TMCC1: variants seen among roughly 807,000 people sequenced by gnomAD.
TMCC1 encodes the protein transmembrane and coiled-coil domains protein 1.
TMCC1 carries 15 observed loss-of-function variants against 52.4 expected under a neutral mutation model. The ratio of observed to expected loss-of-function variants is 0.29; its 90% CI spans 0.19 to 0.44. TMCC1 has a LOEUF of 0.44. Ranked by LOEUF, TMCC1 falls within the 20% of genes least tolerant of loss-of-function variation. The pLI is 1.00. For synonymous variants in TMCC1, 279 were observed against 301.9 expected, an observed-to-expected ratio of 0.92 and a Z score of 0.79; for missense variants, 503 against 806.0, an observed-to-expected ratio of 0.62 and a Z score of 4.55.
chr3:129,743,857 A>G (rs2051678121), intron 4 of TMCC1, among the ~76,000 whole-genome samples: 1 of 152,138 alleles, frequency 6.6e-6, no homozygotes, highest in Non-Finnish European at 1.5e-5. Flanking sequence ...TCAAGTTTTT[A>G]AAAATAACTT....
At chr3:129,797,829 C>T (rs541326776) in intron 4 of TMCC1, among the ~76,000 whole-genome samples, 1 of 152,254 alleles carries the variant, frequency 6.6e-6, no homozygotes, top group Non-Finnish European at 1.5e-5. Flanking sequence ...TTTTTGTAAA[C>T]TTCCAAAGCT....
intron 4 of TMCC1, among the ~76,000 whole-genome samples, chr3:129,740,412 A>G (rs989309489): frequency 6.6e-5 from 10 of 152,226 alleles, no homozygotes; most frequent in African/African-American, 2.4e-4. Flanking sequence ...TGTACTCGTC[A>G]TTAAAAAGGC....
intron 4 of TMCC1, among the ~76,000 whole-genome samples, chr3:129,759,710 C>CTTTTTTTT (rs61519484): frequency 2.1e-4 from 8 of 37,218 alleles, no homozygotes; most frequent in African/African-American, 8.9e-4. Context: ...GCCAGCCAAA[C>CTTTTTTTT]TTTTTTTTTT....
intron 4 of TMCC1, among the ~76,000 whole-genome samples, chr3:129,810,214 T>C (rs1421291515): frequency 1.3e-5 from 2 of 151,958 alleles, no homozygotes; most frequent in Non-Finnish European, 2.9e-5. Context: ...AAAAATTAGC[T>C]GGGCATGGTG....
intron 4 of TMCC1, among the ~76,000 whole-genome samples, chr3:129,806,229 T>C (rs1011918595): frequency 6.6e-5 from 10 of 152,162 alleles, no homozygotes; most frequent in East Asian, 1.9e-4. Flanking sequence ...TCTACTAAAA[T>C]TGAATAATAA....
intron 1 of TMCC1, among the ~76,000 whole-genome samples, chr3:129,887,665 T>A (rs2061778496): frequency 6.6e-6 from 1 of 152,038 alleles, no homozygotes; most frequent in Non-Finnish European, 1.5e-5. Flanking sequence ...AAACACTTTT[T>A]AAAATATAAT....
Position 129,873,995 on chromosome 3 carries a change from A to G in TMCC1, c.-184+6314T>C, listed in dbSNP as rs138491875. Among the ~76,000 whole-genome samples, 22 of 152,288 alleles carry G rather than the reference A, an allele frequency of 1.4e-4. No individual in the cohort carries two copies. The East Asian group carries it at 4.2e-3, about 29-fold the overall frequency. ...TGTTTGAACAGTAGACCTCTATTTGAGTTTTTTAAAGGTAATATAAATATA... is the reference window on the plus strand; with the variant it reads ...TGTTTGAACAGTAGACCTCTATTTGGGTTTTTTAAAGGTAATATAAATATA... On this transcript the variant is annotated intron_variant, in intron 2 of 6. Coordinates refer to ENST00000393238, the MANE Select transcript of TMCC1 (RefSeq NM_001017395.5).
At chr3:129,815,567 C>T (rs145146130) in intron 4 of TMCC1, among the ~76,000 whole-genome samples, 1 of 152,202 alleles carries the variant, frequency 6.6e-6, no homozygotes, top group East Asian at 1.9e-4. Flanking sequence ...GAACTACACC[C>T]CTATCTCTGA....
rs1369765958 is a variant in TMCC1 at position 129,840,599 on chromosome 3, A to G, written c.-183-7773T>C. ...AATTGTAATCCACACATGTCAAGGGAGGGACTTGGTGGGAGGCGACTGGAT... is the reference window on the plus strand; with the variant it reads ...AATTGTAATCCACACATGTCAAGGGGGGGACTTGGTGGGAGGCGACTGGAT... On this transcript the variant is annotated intron_variant, in intron 2 of 6. Transcript: ENST00000393238. 3.3e-5 allele frequency among the ~76,000 whole-genome samples: 5 copies of G among 152,100 alleles called. No homozygotes were observed. In the South Asian group the frequency reaches 8.3e-4, roughly 25 times the overall value.
chr3:129,728,503 T>C (rs191434016), intron 4 of TMCC1, among the ~76,000 whole-genome samples: 158 of 152,244 alleles, frequency 1.0e-3, no homozygotes, highest in African/African-American at 3.4e-3. Context: ...CCAGGCTGGT[T>C]TTGAACTCCT....
At position 129,670,964 on chromosome 3, in the gene TMCC1, G is replaced by T. The variant is rs772689978; in HGVS notation, c.877C>A (p.Leu293Ile). ...TGCTCAAGTTTCTTTTGCAGCTGGAGGATAGTTTGGGCAGATTTCTGGTTC... is the reference window on the plus strand; with the variant it reads ...TGCTCAAGTTTCTTTTGCAGCTGGATGATAGTTTGGGCAGATTTCTGGTTC... Reference protein sequence around the residue: ...KKNQKSAQTILQLQKKLEHYH... With the variant: ...KKNQKSAQTIIQLQKKLEHYH... Residue 293 changes from leucine (L) to isoleucine (I), a missense_variant, in exon 5 of 7, where the codon CTC becomes ATC. Physicochemically the swap from Leu to Ile is conservative, Grantham distance 5. This residue lies in a region of TMCC1 where 73 missense variants were observed against 182.9 expected (regional missense o/e 0.40). Transcript: ENST00000393238. 6.2e-7 allele frequency: 1 copy of T among 1,614,218 alleles called. No homozygotes were observed. The highest frequency in any genetic ancestry group is 8.5e-7 in the Non-Finnish European group (1 of 1,180,036).
chr3:129,689,627 GC>G (rs1033585597), intron 4 of TMCC1, among the ~76,000 whole-genome samples: 20 of 152,220 alleles, frequency 1.3e-4, no homozygotes, highest in Admixed American at 1.1e-3. Context: ...GGAAGCTCAG[GC>G]CAGCACAGTA....
chr3:129,654,372 A>C (rs1198592115), intron 6 of TMCC1, among the ~76,000 whole-genome samples: 2 of 152,216 alleles, frequency 1.3e-5, no homozygotes, highest in African/African-American at 4.8e-5. Flanking sequence ...CTGTTGTAAT[A>C]CAAGTTTTCT....
rs191416567 is a variant in TMCC1, at chr3:129,787,499, C to T, written c.576+40304G>A. On this transcript the variant is annotated intron_variant, in intron 4 of 6. Transcript: ENST00000393238. ...TTTTCAGTAGGATTTTGTTACAATT[C>T]CTTGTATATAATGAATGCAGAGGTT... Among the ~76,000 whole-genome samples, 249 of 152,172 alleles carry T rather than the reference C, an allele frequency of 1.6e-3. 1 individual carries two copies. In the Middle Eastern group the frequency reaches 0.031, roughly 19 times the overall value.
At chr3:129,843,911 C>CAAAAAAA (rs11391229) in intron 2 of TMCC1, among the ~76,000 whole-genome samples, 1 of 135,618 alleles carries the variant, frequency 7.4e-6, no homozygotes, top group Non-Finnish European at 1.6e-5. Flanking sequence ...CAGACACTAC[C>CAAAAAAA]AAAAAAAAAA....
At chr3:129,685,936 A>G (rs1455824912) in intron 4 of TMCC1, among the ~76,000 whole-genome samples, 2 of 152,146 alleles carry the variant, frequency 1.3e-5, no homozygotes, top group African/African-American at 4.8e-5. Flanking sequence ...TCTGCCTTCT[A>G]CCTATATCCG....
Position 129,828,516 on chromosome 3 carries a change from T to TAAAAACAA in TMCC1, c.-130-16_-130-9dup. 1 of 754,966 alleles carries TAAAAACAA rather than the reference T, an allele frequency of 1.3e-6. No individual in the cohort carries two copies. The highest frequency in any genetic ancestry group is 2.3e-5 in the South Asian group (1 of 43,304). 46.8% of individuals were successfully genotyped at this position (754,966 alleles called of 1,614,324 possible). ...CGAAGGCTTCATGCCTATCTAATGT[T>TAAAAACAA]AAAAACAAAAAAACAAAAAAACAAA... On this transcript the variant is annotated splice_polypyrimidine_tract_variant and intron_variant, in intron 3 of 6. Coordinates refer to ENST00000393238, the MANE Select transcript of TMCC1 (RefSeq NM_001017395.5). This position sits in a 1 kb window ranked among gnomAD's most constrained non-coding sequence, Gnocchi z 4.1.
chr3:129,873,774 G>C (rs1211504948), intron 2 of TMCC1, among the ~76,000 whole-genome samples: 2 of 152,148 alleles, frequency 1.3e-5, no homozygotes, highest in East Asian at 3.8e-4. Context: ...CAAAATGCTT[G>C]GAACCAGAAG....
intron 4 of TMCC1, among the ~76,000 whole-genome samples, chr3:129,725,290 T>G (rs2107602880): frequency 1.3e-5 from 2 of 152,218 alleles, no homozygotes; most frequent in South Asian, 4.1e-4. Context: ...TTTTGTATTT[T>G]TAGTAGAGAT....
Sources: allele counts gnomAD v4.1 joint callset (sites outside exome capture counted in the v4.1 genomes callset), GRCh38; gene constraint gnomAD v4.1.1; regional missense constraint gnomAD v4.1.1; non-coding constraint Gnocchi (gnomAD v3.1); transcripts MANE v1.5; gene names NCBI Gene and HGNC (gene_info 2026-07-23, HGNC 2026-07-21).